KCNMA1: variants seen among roughly 807,000 people sequenced by gnomAD.
KCNMA1 encodes the protein potassium calcium-activated channel subfamily M alpha 1, also known as Calcium-activated potassium channel subunit alpha-1.
A neutral mutation model predicts 140.0 loss-of-function variants in KCNMA1; 29 were observed. The observed-to-expected ratio is 0.21, with a 90% CI of 0.15 to 0.28. The LOEUF (loss-of-function observed/expected upper bound fraction) is 0.28, where lower values mean the gene tolerates loss of function less well. KCNMA1 is among the 10% of genes least tolerant of loss of function. The probability of loss-of-function intolerance (pLI) is 1.00; values close to 1 mark genes in which losing one functional copy is unlikely to be tolerated. For synonymous variants in KCNMA1, 612 were observed against 611.9 expected (o/e 1.00, Z 0.00); for missense variants, 880 against 1,602.2 (o/e 0.55, Z 7.70).
intron 1 of KCNMA1, among the ~76,000 whole-genome samples, chr10:77,461,646 C>T (rs1003347196): frequency 4.5e-4 from 68 of 152,288 alleles, no homozygotes; most frequent in Admixed American, 6.5e-5. Flanking sequence ...CTTCCTGCCT[C>T]AGCACCCCTC....
chr10:77,562,197 C>A (rs2066614824), intron 1 of KCNMA1, among the ~76,000 whole-genome samples: 1 of 152,220 alleles, frequency 6.6e-6, no homozygotes, highest in South Asian at 2.1e-4. Context: ...CCCCCAGCTG[C>A]TGTGCCACAC....
At chr10:77,226,179 G>A (rs1042761248) in intron 3 of KCNMA1, among the ~76,000 whole-genome samples, 1 of 152,110 alleles carries the variant, frequency 6.6e-6, no homozygotes, top group Non-Finnish European at 1.5e-5. Flanking sequence ...AAGGGTCATG[G>A]ACTAATAACA....
chr10:77,509,099 GTTTTGTTGTTGT>G (rs1193205755), intron 1 of KCNMA1, among the ~76,000 whole-genome samples: 42 of 134,564 alleles, frequency 3.1e-4, no homozygotes, highest in East Asian at 1.2e-3. Context: ...ATTTTGTTGG[GTTTTGTTGTTGT>G]TGTTGTTGTT....
chr10:77,468,071 G>A (rs147297433), intron 1 of KCNMA1, among the ~76,000 whole-genome samples: 2 of 152,050 alleles, frequency 1.3e-5, no homozygotes, highest in Admixed American at 1.3e-4. Context: ...GCAGTGGTGC[G>A]ATCTTGGCTT....
chr10:77,023,827 G>C (rs1359462766), intron 16 of KCNMA1, among the ~76,000 whole-genome samples: 4 of 151,996 alleles, frequency 2.6e-5, no homozygotes, highest in Admixed American at 1.3e-4. Context: ...TTTACTTTAG[G>C]ATACCATTGG....
chr10:77,372,265 T>A lies in KCNMA1; in HGVS notation c.540+31597A>T, dbSNP rs114614958. 2.6e-3 allele frequency among the ~76,000 whole-genome samples: 401 copies of A among 152,298 alleles called. 2 individuals carry two copies. Among genetic ancestry groups the A allele is most frequent in the African/African-American group, 8.9e-3 (368 of 41,560 alleles). On this transcript the variant is annotated intron_variant, in intron 2 of 27. Coordinates refer to ENST00000286628, the MANE Select transcript of KCNMA1 (RefSeq NM_001161352.2). Reference sequence around the variant, plus strand: ...GAATCACTCCAAAAGGACTAGAATTTGTTTCCTGTTTTGCCCACGATTGTT... The same window carrying A: ...GAATCACTCCAAAAGGACTAGAATTAGTTTCCTGTTTTGCCCACGATTGTT...
At chr10:76,892,906 A>G (rs1320426341) in intron 25 of KCNMA1, among the ~76,000 whole-genome samples, 1 of 152,210 alleles carries the variant, frequency 6.6e-6, no homozygotes, top group Admixed American at 6.5e-5. Flanking sequence ...AATACTTACA[A>G]AAACACCCAT....
intron 12 of KCNMA1, among the ~76,000 whole-genome samples, chr10:77,082,002 C>CTTTTTTTATTTTTTTTTTTTTTTTTTTTT: frequency 1.9e-5 from 1 of 51,650 alleles, no homozygotes; most frequent in Non-Finnish European, 4.6e-5. Flanking sequence ...TTCTTTTTTT[C>CTTTTTTTATTTTTTTTTTTTTTTTTTTTT]TTTTCTTTTT....
chr10:76,931,350 C>T (rs572657566), intron 23 of KCNMA1, among the ~76,000 whole-genome samples: 115 of 151,990 alleles, frequency 7.6e-4, no homozygotes, highest in African/African-American at 2.6e-3. Flanking sequence ...GTAGACAAAA[C>T]TCTTAAATTT....
At chr10:77,446,414 A>C (rs1043757796) in intron 1 of KCNMA1, among the ~76,000 whole-genome samples, 1 of 152,186 alleles carries the variant, frequency 6.6e-6, no homozygotes, top group Admixed American at 6.5e-5. Context: ...GGCCTCTCCA[A>C]GCTTGGGAGT....
At chr10:77,408,910 A>G (rs930488934) in intron 1 of KCNMA1, among the ~76,000 whole-genome samples, 2 of 152,170 alleles carry the variant, frequency 1.3e-5, no homozygotes. Flanking sequence ...CAACAGTGAC[A>G]TCTAATTTCA....
At position 77,325,270 on chromosome 10, in the gene KCNMA1, G is replaced by A. The variant is rs141288604; in HGVS notation, c.541-74014C>T. On this transcript the variant is annotated intron_variant, in intron 2 of 27. Transcript: ENST00000286628. The stretch of plus-strand genomic sequence containing the variant: ...CTCTCCCCTCCTTCCCTGCCACAGT[G>A]AGTCCAGGCTCCTGGAAGTCTGCCC... Among the ~76,000 whole-genome samples the A allele has an allele frequency of 2.1e-3, 313 of 152,250 alleles. 1 individual carries two copies. The highest frequency in any genetic ancestry group is 7.1e-3 in the African/African-American group (293 of 41,542).
chr10:77,477,620 G>A (rs2098306215), intron 1 of KCNMA1, among the ~76,000 whole-genome samples: 1 of 152,200 alleles, frequency 6.6e-6, no homozygotes, highest in Admixed American at 6.5e-5. Context: ...TTATGAATAT[G>A]GAGTTGGGGA....
At chr10:77,504,012 C>G (rs558558695) in intron 1 of KCNMA1, among the ~76,000 whole-genome samples, 1 of 152,020 alleles carries the variant, frequency 6.6e-6, no homozygotes, top group Non-Finnish European at 1.5e-5. Flanking sequence ...GGGGGCAGGG[C>G]GCAGGTGGCT....
At chr10:77,071,901 AAAT>A (rs1284847327) in intron 14 of KCNMA1, among the ~76,000 whole-genome samples, 1 of 152,180 alleles carries the variant, frequency 6.6e-6, no homozygotes, top group Non-Finnish European at 1.5e-5. Context: ...CTCCTGCTCT[AAAT>A]AATATCACTC....
At chr10:77,032,717 T>C (rs1002782279) in intron 15 of KCNMA1, among the ~76,000 whole-genome samples, 3 of 151,292 alleles carry the variant, frequency 2.0e-5, no homozygotes, top group Admixed American at 6.6e-5. Flanking sequence ...AACGACATTA[T>C]ACAAAGCCCA....
chr10:76,973,799 C>A (rs1403841904), intron 19 of KCNMA1, among the ~76,000 whole-genome samples: 1 of 151,736 alleles, frequency 6.6e-6, no homozygotes, highest in African/African-American at 2.4e-5. Context: ...TCAGCCGCGC[C>A]AGACTGCAAA....
Position 77,624,157 on chromosome 10 carries a change from G to A in KCNMA1, c.378+13108C>T, listed in dbSNP as rs180969773. ...CTGAGATGAACGTTCTATCTCCAAG[G>A]CTGCGTTTTGGGGCAAGTTAAGGAA... On this transcript the variant is annotated intron_variant, in intron 1 of 27. Transcript: ENST00000286628. Among the ~76,000 whole-genome samples the A allele has an allele frequency of 1.7e-4, 26 of 152,294 alleles. No homozygotes were observed. In the East Asian group the frequency reaches 4.2e-3, roughly 25 times the overall value.
chr10:77,183,127 T>G, intron 5 of KCNMA1, among the ~76,000 whole-genome samples: 1 of 152,160 alleles, frequency 6.6e-6, no homozygotes, highest in East Asian at 1.9e-4. Flanking sequence ...TCTAAGTTCC[T>G]GAATGAAAAG....
Sources: allele counts gnomAD v4.1 joint callset (sites outside exome capture counted in the v4.1 genomes callset), GRCh38; gene constraint gnomAD v4.1.1; transcripts MANE v1.5; gene names NCBI Gene and HGNC (gene_info 2026-07-23, HGNC 2026-07-21).